BTBD9: variants seen among roughly 807,000 people sequenced by gnomAD.
The protein encoded by BTBD9 is BTB domain containing 9.
BTBD9 carries 49 observed loss-of-function variants against 64.3 expected under a neutral mutation model. That is an observed-to-expected ratio of 0.76 (90% confidence interval 0.61 to 0.97). The LOEUF is 0.97. Ranked by LOEUF, BTBD9 falls within the 50% of genes least tolerant of loss-of-function variation. BTBD9 has a pLI of 0.00. For missense variants in BTBD9, 598 were observed against 762.1 expected, an observed-to-expected ratio of 0.78 and a Z score of 2.53; for synonymous variants, 260 against 274.7, an observed-to-expected ratio of 0.95 and a Z score of 0.53.
intron 6 of BTBD9, among the ~76,000 whole-genome samples, chr6:38,413,205 C>T (rs190275518): frequency 6.6e-6 from 1 of 152,256 alleles, no homozygotes; most frequent in Non-Finnish European, 1.5e-5. Flanking sequence ...CAAACTTAGA[C>T]TCCTCTTCAG....
chr6:38,310,577 C>G (rs1009144508), intron 7 of BTBD9, among the ~76,000 whole-genome samples: 1 of 151,980 alleles, frequency 6.6e-6, no homozygotes, highest in Admixed American at 6.6e-5. Context: ...TTTAAAAGAG[C>G]CTTTTACTAT....
At chr6:38,545,085 G>C (rs1455486889) in intron 6 of BTBD9, among the ~76,000 whole-genome samples, 1 of 151,938 alleles carries the variant, frequency 6.6e-6, no homozygotes, top group Non-Finnish European at 1.5e-5. Flanking sequence ...TGACTGGACA[G>C]TTTTTGTTTG....
At chr6:38,619,912 G>A (rs190185744) in intron 1 of BTBD9, among the ~76,000 whole-genome samples, 4 of 152,306 alleles carry the variant, frequency 2.6e-5, no homozygotes, top group African/African-American at 9.6e-5. Flanking sequence ...GCCAAAGCTG[G>A]AGCTATTATC....
At chr6:38,563,776 CTTTTTT>C (rs57927975) in intron 6 of BTBD9, among the ~76,000 whole-genome samples, 6 of 113,578 alleles carry the variant, frequency 5.3e-5, no homozygotes, top group Non-Finnish European at 8.7e-5. Context: ...GCCTATCTAA[CTTTTTT>C]TTTTTTTTTT....
chr6:38,472,164 A>G (rs1477813167), intron 6 of BTBD9, among the ~76,000 whole-genome samples: 2 of 152,198 alleles, frequency 1.3e-5, no homozygotes, highest in Non-Finnish European at 2.9e-5. Flanking sequence ...CGCTAAATAT[A>G]TGCTGCAATA....
At chr6:38,487,373 G>A (rs1021343302) in intron 6 of BTBD9, among the ~76,000 whole-genome samples, 2 of 152,100 alleles carry the variant, frequency 1.3e-5, no homozygotes, top group African/African-American at 4.8e-5. Context: ...TTGAATTCAG[G>A]AGTTCAAGAC....
chr6:38,509,032 C>T (rs925509868), intron 6 of BTBD9, among the ~76,000 whole-genome samples: 53 of 152,178 alleles, frequency 3.5e-4, no homozygotes, highest in African/African-American at 1.2e-3. Flanking sequence ...GGGACTCTAG[C>T]ATCTGTATTT....
chr6:38,220,128 A>G (rs2127506837), intron 9 of BTBD9, among the ~76,000 whole-genome samples: 1 of 152,304 alleles, frequency 6.6e-6, no homozygotes, highest in East Asian at 1.9e-4. Flanking sequence ...AGGGAACATG[A>G]GGCTGAGAAC....
intron 3 of BTBD9, among the ~76,000 whole-genome samples, chr6:38,593,211 A>C (rs1030816675): frequency 6.6e-6 from 1 of 152,232 alleles, no homozygotes. Flanking sequence ...GGCATTTAAA[A>C]TTCAAATTTT....
At chr6:38,496,656 A>T (rs1219310792) in intron 6 of BTBD9, among the ~76,000 whole-genome samples, 3 of 136,326 alleles carry the variant, frequency 2.2e-5, no homozygotes, top group Admixed American at 1.5e-4. Context: ...CCTGTCTCTT[A>T]AAAAAAAAAA....
At chr6:38,566,547 T>A (rs1189192106) in intron 6 of BTBD9, among the ~76,000 whole-genome samples, 1 of 152,100 alleles carries the variant, frequency 6.6e-6, no homozygotes, top group Non-Finnish European at 1.5e-5. Flanking sequence ...TCCCTTGAAA[T>A]CAAAGAAAAC....
At chr6:38,609,201 CA>C (rs1298741545) in intron 1 of BTBD9, among the ~76,000 whole-genome samples, 3 of 152,064 alleles carry the variant, frequency 2.0e-5, no homozygotes, top group Non-Finnish European at 4.4e-5. Context: ...CTCATCTCTT[CA>C]AAACAAACAA....
At chr6:38,392,322 T>C (rs144606192) in intron 6 of BTBD9, among the ~76,000 whole-genome samples, 9 of 152,078 alleles carry the variant, frequency 5.9e-5, no homozygotes, top group African/African-American at 9.6e-5. Flanking sequence ...CCTTGGTTAG[T>C]TGGGAAATGA....
intron 8 of BTBD9, among the ~76,000 whole-genome samples, chr6:38,279,077 G>A (rs751579564): frequency 1.6e-4 from 24 of 152,110 alleles, no homozygotes; most frequent in Non-Finnish European, 3.1e-4. Flanking sequence ...AGTCCTTGAC[G>A]GGCACCAACC....
intron 7 of BTBD9, among the ~76,000 whole-genome samples, chr6:38,334,996 G>T (rs1763838060): frequency 1.3e-5 from 2 of 152,196 alleles, no homozygotes; most frequent in Admixed American, 1.3e-4. Flanking sequence ...CATGAGGGTG[G>T]AATTTCCCCA....
At chr6:38,625,427 T>C (rs1350356489) in intron 1 of BTBD9, among the ~76,000 whole-genome samples, 2 of 152,320 alleles carry the variant, frequency 1.3e-5, no homozygotes, top group African/African-American at 2.4e-5. Flanking sequence ...CTAGTAACAA[T>C]TGATGGAGAG....
chr6:38,285,132 C>A (rs1264995743), intron 8 of BTBD9, among the ~76,000 whole-genome samples: 1 of 152,068 alleles, frequency 6.6e-6, no homozygotes, highest in East Asian at 1.9e-4. Context: ...AAGGGTGTGG[C>A]CATATCAGAT....
At chr6:38,302,197 T>C (rs909217184) in intron 7 of BTBD9, among the ~76,000 whole-genome samples, 4 of 152,114 alleles carry the variant, frequency 2.6e-5, no homozygotes, top group African/African-American at 9.7e-5. Flanking sequence ...ACAGTCAACC[T>C]ACTGTGCAAC....
intron 6 of BTBD9, among the ~76,000 whole-genome samples, chr6:38,465,706 ATTATATAT>A (rs1175752760): frequency 1.5e-4 from 9 of 60,396 alleles, no homozygotes; most frequent in African/African-American, 5.4e-4. Context: ...AAATAAATAA[ATTATATAT>A]ATATATATAT....
Sources: gnomAD v4.1 joint callset for allele counts (sites outside exome capture counted in the v4.1 genomes callset) on GRCh38, gnomAD v4.1.1 for gene constraint, MANE v1.5 for transcripts, NCBI Gene and HGNC (gene_info 2026-07-23, HGNC 2026-07-21) for gene names.